TAGLN3: variants seen among roughly 807,000 people sequenced by gnomAD.
TAGLN3 encodes the protein transgelin-3.
TAGLN3 carries 12 observed loss-of-function variants against 25.4 expected under a neutral mutation model. The observed-to-expected ratio is 0.47, with a 90% confidence interval of 0.30 to 0.77. The LOEUF is 0.77. Ranked by LOEUF, TAGLN3 falls within the 30% of genes least tolerant of loss-of-function variation. The pLI, the probability that TAGLN3 is intolerant of heterozygous loss-of-function variation, is 0.06. For synonymous variants in TAGLN3, 96 were observed against 94.8 expected (o/e 1.01, Z -0.08); for missense variants, 218 against 255.8 (o/e 0.85, Z 1.01).
chr3:112,000,755 C>A lies in TAGLN3; in HGVS notation c.181-17C>A. 2 of 1,609,686 alleles carry A rather than the reference C, an allele frequency of 1.2e-6. No homozygotes were observed. Among genetic ancestry groups the A allele is most frequent in the East Asian group, 4.5e-5 (2 of 44,762 alleles). ...ACAAAGGGAAACATTGATTCTGTCT[C>A]TCCCCTCCCTCTTCAGGTCCTGTGC... On this transcript the variant is annotated splice_polypyrimidine_tract_variant and intron_variant, in intron 2 of 4. Transcript: ENST00000478951.
At position 112,011,775 on chromosome 3, in the gene TAGLN3, C is replaced by A; in HGVS notation, c.368C>A (p.Ala123Glu). ...TVDLWEGKDM[A>E]AVQRTLMALG... The stretch of plus-strand genomic sequence containing the variant: ...TGTTGGCTTCCAGGGAAGGACATGG[C>A]AGCTGTGCAGAGGACCCTGATGGCT... The change falls in exon 4 of 5, where the codon GCA becomes GAA. Residue 123 changes from alanine to glutamate, a missense_variant. Physicochemically the swap from Ala to Glu is moderately radical, Grantham distance 107. Coordinates refer to ENST00000478951, the MANE Select transcript of TAGLN3 (RefSeq NM_001008272.2). 1 of 1,611,956 alleles carries A rather than the reference C, an allele frequency of 6.2e-7. No individual in the cohort carries two copies. Among genetic ancestry groups the A allele is most frequent in the Non-Finnish European group, 8.5e-7 (1 of 1,178,890 alleles).
intron 3 of TAGLN3, among the ~76,000 whole-genome samples, chr3:112,007,313 C>A (rs1239524271): frequency 6.6e-6 from 1 of 152,172 alleles, no homozygotes; most frequent in African/African-American, 2.4e-5. Context: ...ACATTCTATG[C>A]ATTTGGGCAA....
At chr3:112,005,717 T>A (rs1198226245) in intron 3 of TAGLN3, among the ~76,000 whole-genome samples, 1 of 137,470 alleles carries the variant, frequency 7.3e-6, no homozygotes, top group Non-Finnish European at 1.6e-5. Flanking sequence ...TTTTTTTTTT[T>A]GAGATGGAGT....
At chr3:111,999,660 C>T (rs73232059) in intron 2 of TAGLN3, 58 bp downstream of exon 2, 94,706 of 1,580,570 alleles carry the variant, frequency 0.06, 3,375 homozygotes, top group Non-Finnish European at 0.072. Flanking sequence ...CCTCCAGGGC[C>T]CTTTCTTTTA....
chr3:112,009,674 T>C (rs2072954683), intron 3 of TAGLN3, among the ~76,000 whole-genome samples: 1 of 152,212 alleles, frequency 6.6e-6, no homozygotes, highest in Non-Finnish European at 1.5e-5. Context: ...TGAGGAGGAA[T>C]AATCCCAATT....
rs2073005693 is a variant in TAGLN3 at position 112,013,821 on chromosome 3, T to C, written c.*270T>C. 1.3e-5 allele frequency: 6 copies of C among 449,388 alleles called. No individual in the cohort carries two copies. The East Asian group carries it at 2.7e-4, about 20-fold the overall frequency. The allele number at this position is 449,388 out of a possible 1,614,324, so 27.8% of individuals were successfully genotyped here. A position where few individuals can be genotyped will look rare whatever the true frequency, so the allele number is the denominator to read the frequency against. ...TTGATTATTTATTTATTTATTTATT[T>C]ATTTGCCAAAAATTCTCCTCTTCAA... On this transcript the variant is annotated 3_prime_UTR_variant, in exon 5 of 5. Transcript: ENST00000478951.
At chr3:112,006,577 A>AGGC (rs886809965) in intron 3 of TAGLN3, among the ~76,000 whole-genome samples, 3 of 152,250 alleles carry the variant, frequency 2.0e-5, no homozygotes, top group Non-Finnish European at 4.4e-5. Context: ...AAGAGTTACA[A>AGGC]GGCTGAGTCA....
At position 112,013,598 on chromosome 3, in the gene TAGLN3, T is replaced by C. The variant is rs1283801190; in HGVS notation, c.*47T>C. ...TAGAGAGGACGAATGTTCCACACCATGGTCTCTACGAAAAAGAAATAGTTA... is the reference window on the plus strand; with the variant it reads ...TAGAGAGGACGAATGTTCCACACCACGGTCTCTACGAAAAAGAAATAGTTA... On this transcript the variant is annotated 3_prime_UTR_variant, in exon 5 of 5. Coordinates refer to ENST00000478951, the MANE Select transcript of TAGLN3 (RefSeq NM_001008272.2). 3 of 1,613,276 alleles carry C rather than the reference T, an allele frequency of 1.9e-6. No individual in the cohort carries two copies. Among genetic ancestry groups the C allele is most frequent in the Non-Finnish European group, 2.5e-6 (3 of 1,179,486 alleles).
chr3:112,007,412 C>T (rs1480695812), intron 3 of TAGLN3, among the ~76,000 whole-genome samples: 1 of 152,168 alleles, frequency 6.6e-6, no homozygotes, highest in East Asian at 1.9e-4. Context: ...TCCCTCCCAC[C>T]CTCAACCCTG....
rs147030460 is a variant in TAGLN3 at position 112,003,438 on chromosome 3, G to A, written c.355+2492G>A. Among the ~76,000 whole-genome samples, 100 of 152,294 alleles carry A rather than the reference G, an allele frequency of 6.6e-4. No homozygotes were observed. In the Middle Eastern group the frequency reaches 0.027, roughly 41 times the overall value. On this transcript the variant is annotated intron_variant, in intron 3 of 4. Transcript: ENST00000478951. Reference sequence around the variant, plus strand: ...AGTGAGGCTGGGGTCCTTTCTGCAAGAACTGGTTGTTGCTCATGTGTTTTG... The same window carrying A: ...AGTGAGGCTGGGGTCCTTTCTGCAAAAACTGGTTGTTGCTCATGTGTTTTG...
intron 3 of TAGLN3, among the ~76,000 whole-genome samples, chr3:112,001,995 A>C (rs1445860768): frequency 6.6e-6 from 1 of 152,228 alleles, no homozygotes; most frequent in Non-Finnish European, 1.5e-5. Flanking sequence ...CTGGCATTGC[A>C]TGTTTCCCTC....
intron 3 of TAGLN3, among the ~76,000 whole-genome samples, chr3:112,007,955 A>T (rs2072935234): frequency 6.6e-6 from 1 of 152,204 alleles, no homozygotes; most frequent in African/African-American, 2.4e-5. Context: ...AGACTGCCCC[A>T]GAATCTGAAT....
chr3:112,011,885 C>T lies in TAGLN3; in HGVS notation c.458+20C>T, dbSNP rs766568251. ...TCACAGGTAAAAGCCTCTTCCTTGC[C>T]CCCTGGACCACAAGGCGATTTTAAC... On this transcript the variant is annotated intron_variant, in intron 4 of 4. Coordinates refer to ENST00000478951, the MANE Select transcript of TAGLN3 (RefSeq NM_001008272.2). The T allele has an allele frequency of 3.1e-6, 5 of 1,608,586 alleles. No homozygotes were observed. The South Asian group carries it at 4.4e-5, about 14-fold the overall frequency.
rs767832040 is a variant in TAGLN3 at position 112,013,628 on chromosome 3, C to G, written c.*77C>G. On this transcript the variant is annotated 3_prime_UTR_variant, in exon 5 of 5. Coordinates refer to ENST00000478951, the MANE Select transcript of TAGLN3 (RefSeq NM_001008272.2). ...TCTACGAAAAAGAAATAGTTAGTCACCTTCTGACCTTCTCCTCTTTCTCAA... is the reference window on the plus strand; with the variant it reads ...TCTACGAAAAAGAAATAGTTAGTCAGCTTCTGACCTTCTCCTCTTTCTCAA... 6.3e-7 allele frequency: 1 copy of G among 1,588,794 alleles called. No homozygotes were observed. The highest frequency in any genetic ancestry group is 8.6e-7 in the Non-Finnish European group (1 of 1,163,656).
intron 3 of TAGLN3, among the ~76,000 whole-genome samples, chr3:112,007,615 G>T (rs56931274): frequency 0.23 from 35,238 of 152,002 alleles, 4,255 homozygotes; most frequent in Admixed American, 0.29. Flanking sequence ...ATGTTTTTCT[G>T]TTCTTGGAAG....
Position 111,999,181 on chromosome 3 carries a change from T to C in TAGLN3, c.-3+67T>C, listed in dbSNP as rs576984530. ...ATAGGGAGGGGGATTCCAGCCCCCC[T>C]GGACCGGCCGGAGGTTTATTCTAGA... On this transcript the variant is annotated intron_variant, in intron 1 of 4. Coordinates refer to ENST00000478951, the MANE Select transcript of TAGLN3 (RefSeq NM_001008272.2). The C allele has an allele frequency of 3.9e-4, 171 of 438,400 alleles. 1 individual carries two copies. Among genetic ancestry groups the C allele is most frequent in the African/African-American group, 3.0e-3 (153 of 50,704 alleles). 27.2% of individuals were successfully genotyped at this position (438,400 alleles called of 1,614,324 possible). A position where few individuals can be genotyped will look rare whatever the true frequency, so the allele number is the denominator to read the frequency against.
intron 4 of TAGLN3, among the ~76,000 whole-genome samples, chr3:112,013,200 A>G (rs2072997566): frequency 6.6e-6 from 1 of 152,042 alleles, no homozygotes. Context: ...AGGGCCAGAG[A>G]TAGCTCAGAG....
In TAGLN3 at chr3:111,999,296, T is replaced by C. The variant is rs1471103390; in HGVS notation, c.-2-125T>C. On this transcript the variant is annotated intron_variant, in intron 1 of 4. Coordinates refer to ENST00000478951, the MANE Select transcript of TAGLN3 (RefSeq NM_001008272.2). ...CTCCTTGATTTAAACCACGCCCGGCTTTCTGCCCTCTTTGCTGCTGCTGGG... is the reference window on the plus strand; with the variant it reads ...CTCCTTGATTTAAACCACGCCCGGCCTTCTGCCCTCTTTGCTGCTGCTGGG... 5.4e-6 allele frequency: 6 copies of C among 1,118,754 alleles called. No individual in the cohort carries two copies. In the African/African-American group the frequency reaches 6.3e-5, roughly 12 times the overall value. 69.3% of individuals were successfully genotyped at this position (1,118,754 alleles called of 1,614,324 possible).
At chr3:112,005,497 G>A (rs1275812960) in intron 3 of TAGLN3, among the ~76,000 whole-genome samples, 1 of 152,080 alleles carries the variant, frequency 6.6e-6, no homozygotes, top group African/African-American at 2.4e-5. Flanking sequence ...TGGGAGTTAG[G>A]GAGGTGTGGT....
Sources: allele counts gnomAD v4.1 joint callset (sites outside exome capture counted in the v4.1 genomes callset), GRCh38; gene constraint gnomAD v4.1.1; transcripts MANE v1.5; gene names NCBI Gene and HGNC (gene_info 2026-07-23, HGNC 2026-07-21).